The following ESX1 variants were observed in gnomAD, a reference collection of about 807,000 sequenced individuals.
The protein encoded by ESX1 is ESX homeobox 1.
A neutral mutation model predicts 13.2 loss-of-function variants in ESX1; 2 were observed. The ratio of observed to expected loss-of-function variants is 0.15; its 90% CI spans 0.06 to 0.48. ESX1 has a LOEUF of 0.48. Ranked by LOEUF, ESX1 falls within the 20% of genes least tolerant of loss-of-function variation. The probability of loss-of-function intolerance (pLI) is 0.97; values close to 1 mark genes in which losing one functional copy is unlikely to be tolerated. For synonymous variants in ESX1, 157 were observed against 163.1 expected (o/e 0.96, Z 0.29); for missense variants, 307 against 379.0 (o/e 0.81, Z 1.58).
Position 104,254,254 on chromosome X carries a change from G to C in ESX1, c.406C>G (p.Pro136Ala), listed in dbSNP as rs370791049. The C allele has an allele frequency of 2.5e-6, 3 of 1,210,903 alleles. No homozygotes were observed. The African/African-American group carries it at 5.2e-5, about 21-fold the overall frequency. ...GTGCGGCGGCGGCGTTTCCTCTCTG[G>C]GGGCTGTGGTCCCTCAGCGGTTTGT... ...GPQTAEGPQP[P>A]ERKRRRRTAF... Residue 136 changes from proline to alanine, a missense_variant, in exon 2 of 4, where the codon CCA becomes GCA. By Grantham distance (27) the Pro-to-Ala change is conservative (BLOSUM62 -1). This residue lies in a region of ESX1 where 152 missense variants were observed against 114.5 expected (regional missense o/e 1.33). Transcript: ENST00000372588.
rs1202621230 is a variant in ESX1, at chrX:104,254,927, T to A, written c.-78A>T. 1.1e-6 allele frequency: 1 copy of A among 895,985 alleles called. No individual in the cohort carries two copies. Among genetic ancestry groups the A allele is most frequent in the Admixed American group, 2.3e-5 (1 of 44,150 alleles). The allele number at this position is 895,985 out of a possible 1,213,427, so 73.8% of individuals were successfully genotyped here. A position where few individuals can be genotyped will look rare whatever the true frequency, so the allele number is the denominator to read the frequency against. On this transcript the variant is annotated 5_prime_UTR_variant, in exon 1 of 4. Coordinates refer to ENST00000372588, the MANE Select transcript of ESX1 (RefSeq NM_153448.4). ...TCCGCGGCGATCCCGGGGTTGGAAC[T>A]GGCTCTGGGACCAATGGCTCGGGCG... is the stretch of plus-strand genomic sequence containing the variant.
intron 1 of ESX1, 25 bp from the exon 2 acceptor site, chrX:104,254,602 GAC>G: frequency 8.4e-7 from 1 of 1,197,363 alleles, no homozygotes. Context: ...AAGCAAAAGA[GAC>G]ACCAGGGCGT....
At chrX:104,253,132 G>C (rs1371841541) in intron 2 of ESX1, among the ~76,000 whole-genome samples, 1 of 94,360 alleles carries the variant, frequency 1.1e-5, no homozygotes, top group Non-Finnish European at 2.2e-5. Context: ...CTGGGCGACA[G>C]AGTGAGTCTC....
At chrX:104,251,402 C>A (rs1436676412) in intron 3 of ESX1, among the ~76,000 whole-genome samples, 1 of 111,475 alleles carries the variant, frequency 9.0e-6, no homozygotes, top group Non-Finnish European at 1.9e-5. Context: ...ACCTTGCTTC[C>A]CTGAGAAGGC....
At chrX:104,252,174 T>G (rs1923199175) in intron 3 of ESX1, among the ~76,000 whole-genome samples, 1 of 112,460 alleles carries the variant, frequency 8.9e-6, no homozygotes, top group African/African-American at 3.2e-5. Flanking sequence ...GTGTGTGAAT[T>G]ACTCCTTCAC....
At position 104,254,135 on chromosome X, in the gene ESX1, T is replaced by G; in HGVS notation, c.506+19A>C. The stretch of plus-strand genomic sequence containing the variant: ...AGGGTCCCGGGATGAACTGGGCGCC[T>G]CCGGGGCAAGCCACTTACCGCGCCA... On this transcript the variant is annotated intron_variant, in intron 2 of 3. Coordinates refer to ENST00000372588, the MANE Select transcript of ESX1 (RefSeq NM_153448.4). The G allele has an allele frequency of 8.4e-7, 1 of 1,183,511 alleles. No individual in the cohort carries two copies. Among genetic ancestry groups the G allele is most frequent in the Non-Finnish European group, 1.1e-6 (1 of 880,204 alleles).
Position 104,250,574 on chromosome X carries a change from G to A in ESX1, c.875C>T (p.Ala292Val), listed in dbSNP as rs782334089. Residue 292 changes from alanine (A) to valine (V), a missense_variant, in exon 4 of 4, where the codon GCG becomes GTG. Around this residue, in one of 3 missense-constraint regions of ESX1, gnomAD observed 108 missense variants for 147.5 expected, o/e 0.73. Transcript: ENST00000372588. ...MAPVPPGPRM[A>V]PVPPWPPMAP... The stretch of plus-strand genomic sequence containing the variant: ...CATGGGCGGCCAGGGTGGCACAGGC[G>A]CCATGCGTGGCCCGGGTGGCACAGG... 1.7e-5 allele frequency: 20 copies of A among 1,171,494 alleles called. No individual in the cohort carries two copies. The highest frequency in any genetic ancestry group is 1.2e-4 in the Admixed American group (5 of 42,711).
In ESX1 at chrX:104,254,589, G is replaced by A. The variant is rs1556395514; in HGVS notation, c.83-12C>T. ...GGTAAGTTTCTCATCTGGGAAGGGA[G>A]GAAAGCAAAAGAGACACCAGGGCGT... On this transcript the variant is annotated splice_polypyrimidine_tract_variant and intron_variant, in intron 1 of 3. Coordinates refer to ENST00000372588, the MANE Select transcript of ESX1 (RefSeq NM_153448.4). 3.3e-6 allele frequency: 4 copies of A among 1,204,249 alleles called. No individual in the cohort carries two copies. Among genetic ancestry groups the A allele is most frequent in the South Asian group, 1.8e-5 (1 of 56,343 alleles).
chrX:104,252,922 A>G (rs782502014), intron 2 of ESX1, 94 bp from the exon 3 acceptor site: 160 of 812,424 alleles, frequency 2.0e-4, no homozygotes, highest in Non-Finnish European at 2.8e-4. Flanking sequence ...TGGGAGGCCG[A>G]AGAGGTTGCT....
chrX:104,250,081 G>T lies in ESX1; in HGVS notation c.*147C>A. The T allele has an allele frequency of 1.4e-6, 1 of 704,715 alleles. No individual in the cohort carries two copies. The highest frequency in any genetic ancestry group is 2.0e-6 in the Non-Finnish European group (1 of 503,394). The allele number at this position is 704,715 out of a possible 1,213,427, so 58.1% of individuals were successfully genotyped here. On this transcript the variant is annotated 3_prime_UTR_variant, in exon 4 of 4. Coordinates refer to ENST00000372588, the MANE Select transcript of ESX1 (RefSeq NM_153448.4). ...TTATTGAAAATACTACAATTATGTG[G>T]CCTACAAAAATAACAGGGCATTCGT... is the stretch of plus-strand genomic sequence containing the variant.
At chrX:104,252,459 CAT>C (rs1923206362) in intron 3 of ESX1, among the ~76,000 whole-genome samples, 1 of 111,932 alleles carries the variant, frequency 8.9e-6, no homozygotes, top group Non-Finnish European at 1.9e-5. Flanking sequence ...TATACATGTG[CAT>C]ATATGTGTAC....
At position 104,250,950 on chromosome X, in the gene ESX1, T is replaced by C. The variant is rs797028647; in HGVS notation, c.553-54A>G. Reference sequence around the variant, plus strand: ...GTATTTTGAACAGTTAACGTCATAATAGAAAAAAACATAACATGGAATTCT... The same window carrying C: ...GTATTTTGAACAGTTAACGTCATAACAGAAAAAAACATAACATGGAATTCT... On this transcript the variant is annotated intron_variant, in intron 3 of 3. Coordinates refer to ENST00000372588, the MANE Select transcript of ESX1 (RefSeq NM_153448.4). 7.2e-5 allele frequency: 75 copies of C among 1,037,206 alleles called. No homozygotes were observed. The Middle Eastern group carries it at 1.1e-3, about 15-fold the overall frequency. 85.5% of individuals were successfully genotyped at this position (1,037,206 alleles called of 1,213,427 possible).
At chrX:104,254,105 G>C in intron 2 of ESX1, 49 bp downstream of exon 2, 2 of 1,152,851 alleles carry the variant, frequency 1.7e-6, no homozygotes, top group Non-Finnish European at 1.2e-6. Context: ...TTTAGCTCCG[G>C]TGAAAGGGTC....
At chrX:104,252,708 G>C in intron 3 of ESX1, 75 bp downstream of exon 3, 1 of 1,004,322 alleles carries the variant, frequency 1.0e-6, no homozygotes, top group Non-Finnish European at 1.4e-6. Flanking sequence ...ACCAGCTTGA[G>C]AATGTCCAGG....
rs782182879 is a variant in ESX1, at chrX:104,250,672, G to A, written c.777C>T (p.Val259=). 1.0e-4 allele frequency: 121 copies of A among 1,208,780 alleles called. No individual in the cohort carries two copies. The South Asian group carries it at 2.0e-3, about 20-fold the overall frequency. The change falls in exon 4 of 4, where the codon GTC becomes GTT. Residue 259 remains valine, a synonymous_variant. Coordinates refer to ENST00000372588, the MANE Select transcript of ESX1 (RefSeq NM_153448.4). ...VPPMPPRPPM[V]PMPPRPPIAP... ...CTATGGGTGGCCTGGGTGGCATAGG[G>A]ACCATGGGTGGCCTGGGTGGCATAG...
chrX:104,251,737 A>G (rs1156667480), intron 3 of ESX1, among the ~76,000 whole-genome samples: 3 of 112,070 alleles, frequency 2.7e-5, no homozygotes, highest in African/African-American at 9.7e-5. Context: ...CACAGGTAAG[A>G]ATCTTGCCTG....
chrX:104,254,472 G>C lies in ESX1; in HGVS notation c.188C>G (p.Thr63Arg). 1 of 1,212,180 alleles carries C rather than the reference G, an allele frequency of 8.2e-7. No individual in the cohort carries two copies. Among genetic ancestry groups the C allele is most frequent in the Non-Finnish European group, 1.1e-6 (1 of 895,631 alleles). Residue 63 changes from threonine (T) to arginine (R), a missense_variant, in exon 2 of 4, where the codon ACG becomes AGG. Thr to Arg is a moderately conservative substitution (Grantham distance 71). Transcript: ENST00000372588. Reference protein sequence around the residue: ...YGTEAENNVGTEGSVPSDDQD... With the variant: ...YGTEAENNVGREGSVPSDDQD... ...GTCGTCCGAGGGGACGGACCCTTCCGTGCCAACGTTGTTTTCCGCTTCTGT... is the reference window on the plus strand; with the variant it reads ...GTCGTCCGAGGGGACGGACCCTTCCCTGCCAACGTTGTTTTCCGCTTCTGT...
rs942665155 is a variant in ESX1 at position 104,254,658 on chromosome X, A to T, written c.83-81T>A. ...GGCTGGAGGAGGCAGGGGACCCGCT[A>T]TGGAAGAGCAACTGCGACAGCCGCG... On this transcript the variant is annotated intron_variant, in intron 1 of 3. Transcript: ENST00000372588. The T allele has an allele frequency of 5.2e-6, 6 of 1,147,805 alleles. No homozygotes were observed. The African/African-American group carries it at 8.9e-5, about 17-fold the overall frequency. 94.6% of individuals were successfully genotyped at this position (1,147,805 alleles called of 1,213,427 possible).
rs1200016286 is a variant in ESX1 at position 104,250,057 on chromosome X, T to C, written c.*171A>G. 4.8e-6 allele frequency: 3 copies of C among 626,222 alleles called. No individual in the cohort carries two copies. The highest frequency in any genetic ancestry group is 6.9e-6 in the Non-Finnish European group (3 of 434,418). The allele number at this position is 626,222 out of a possible 1,213,427, so 51.6% of individuals were successfully genotyped here. ...CCAACGTACTATTAAGTCACATCTT[T>C]ATTGAAAATACTACAATTATGTGGC... On this transcript the variant is annotated 3_prime_UTR_variant, in exon 4 of 4. Coordinates refer to ENST00000372588, the MANE Select transcript of ESX1 (RefSeq NM_153448.4).
Sources: gnomAD v4.1 joint callset for allele counts (sites outside exome capture counted in the v4.1 genomes callset) on GRCh38, gnomAD v4.1.1 for gene constraint, gnomAD v4.1.1 regional missense constraint, MANE v1.5 for transcripts, NCBI Gene and HGNC (gene_info 2026-07-23, HGNC 2026-07-21) for gene names.